Variants in PSKH1 observed in about 807,000 individuals in gnomAD.
The protein encoded by PSKH1 is serine/threonine-protein kinase H1.
A neutral mutation model predicts 26.7 loss-of-function variants in PSKH1; 12 were observed. The ratio of observed to expected loss-of-function variants is 0.45; its 90% CI spans 0.29 to 0.73. The LOEUF (loss-of-function observed/expected upper bound fraction) is 0.73, where lower values mean the gene tolerates loss of function less well. Ranked by LOEUF, PSKH1 falls within the 30% of genes least tolerant of loss-of-function variation. PSKH1 has a pLI of 0.11. For synonymous variants in PSKH1, 213 were observed against 234.3 expected (o/e 0.91, Z 0.83); for missense variants, 431 against 595.2 (o/e 0.72, Z 2.87).
intron 1 of PSKH1, among the ~76,000 whole-genome samples, chr16:67,896,861 A>C (rs1451007840): frequency 6.6e-6 from 1 of 152,162 alleles, no homozygotes; most frequent in Non-Finnish European, 1.5e-5. Context: ...TGCATCTGAC[A>C]CTGAGCTCCA....
chr16:67,915,605 T>G (rs1224224344), intron 2 of PSKH1, among the ~76,000 whole-genome samples: 1 of 152,092 alleles, frequency 6.6e-6, no homozygotes, highest in East Asian at 1.9e-4. Flanking sequence ...CCTCTGCCAC[T>G]CCCTGGCAGA....
intron 1 of PSKH1, among the ~76,000 whole-genome samples, chr16:67,900,079 A>G (rs2058137521): frequency 6.6e-6 from 1 of 151,982 alleles, no homozygotes; most frequent in South Asian, 2.1e-4. Context: ...CTCCTGCCTC[A>G]GCTTCTGAGT....
chr16:67,897,385 G>A (rs1684042866), intron 1 of PSKH1, among the ~76,000 whole-genome samples: 1 of 152,152 alleles, frequency 6.6e-6, no homozygotes, highest in Admixed American at 6.5e-5. Flanking sequence ...GCCCTCTGTT[G>A]CCATGGTGTC....
At chr16:67,914,012 A>G (rs544605945) in intron 2 of PSKH1, among the ~76,000 whole-genome samples, 1 of 152,340 alleles carries the variant, frequency 6.6e-6, no homozygotes, top group East Asian at 1.9e-4. Flanking sequence ...AGAAAGCAGG[A>G]GGCAGGCCTG....
chr16:67,904,131 T>A (rs1053759623), intron 1 of PSKH1, among the ~76,000 whole-genome samples: 19 of 151,580 alleles, frequency 1.3e-4, no homozygotes, highest in Non-Finnish European at 2.9e-5. Context: ...TTCTCCTGCC[T>A]CAGCCTCCAG....
chr16:67,927,191 AG>A lies in PSKH1; in HGVS notation c.958-132del. ...CAGCCTGAGCCAGCGTTGGGCGGGG[AG>A]GCCCCAAGTGCTACATGAGAGGAGG... On this transcript the variant is annotated intron_variant, in intron 2 of 2. Transcript: ENST00000291041. This position sits in a 1 kb window ranked among gnomAD's most constrained non-coding sequence, Gnocchi z 5.5. 1.2e-6 allele frequency: 1 copy of A among 868,990 alleles called. No individual in the cohort carries two copies. The highest frequency in any genetic ancestry group is 1.7e-5 in the South Asian group (1 of 59,332). The allele number at this position is 868,990 out of a possible 1,614,324, so 53.8% of individuals were successfully genotyped here. A position where few individuals can be genotyped will look rare whatever the true frequency, so the allele number is the denominator to read the frequency against.
intron 1 of PSKH1, among the ~76,000 whole-genome samples, chr16:67,895,282 G>A (rs2058123125): frequency 2.0e-5 from 3 of 151,636 alleles, no homozygotes; most frequent in Non-Finnish European, 4.4e-5. Flanking sequence ...CGAGGCTGGT[G>A]TCGAACTCCT....
intron 1 of PSKH1, among the ~76,000 whole-genome samples, chr16:67,898,159 T>C (rs980253864): frequency 1.3e-5 from 2 of 152,166 alleles, no homozygotes; most frequent in Non-Finnish European, 2.9e-5. Flanking sequence ...CACACCCAGC[T>C]AATTTTTTAA....
At chr16:67,915,428 G>A (rs994362539) in intron 2 of PSKH1, among the ~76,000 whole-genome samples, 11 of 152,084 alleles carry the variant, frequency 7.2e-5, no homozygotes, top group South Asian at 2.1e-4. Flanking sequence ...GGAGGGATCC[G>A]TCTGGGACAT....
chr16:67,919,225 G>T (rs1168301943), intron 2 of PSKH1, among the ~76,000 whole-genome samples: 1 of 152,162 alleles, frequency 6.6e-6, no homozygotes, highest in Non-Finnish European at 1.5e-5. Context: ...GATTCTCCTG[G>T]ATGCTTTAAT....
intron 1 of PSKH1, among the ~76,000 whole-genome samples, chr16:67,904,052 G>T (rs957271249): frequency 1.4e-5 from 2 of 139,472 alleles, no homozygotes; most frequent in Non-Finnish European, 1.5e-5. Flanking sequence ...GTCTTGCTCT[G>T]TTGCCCAGGC....
At chr16:67,904,459 C>T (rs1309032806) in intron 1 of PSKH1, among the ~76,000 whole-genome samples, 1 of 152,086 alleles carries the variant, frequency 6.6e-6, no homozygotes, top group Non-Finnish European at 1.5e-5. Flanking sequence ...CCACCTCGGC[C>T]TCCCATAGTG....
chr16:67,897,169 C>A (rs1281510715), intron 1 of PSKH1, among the ~76,000 whole-genome samples: 1 of 152,142 alleles, frequency 6.6e-6, no homozygotes, highest in Non-Finnish European at 1.5e-5. Context: ...ACAATAGTAT[C>A]ATTCTATCAT....
rs555492519 is a variant in PSKH1, at chr16:67,899,331, A to ATTTT, written c.-71+5979_-71+5982dup. Among the ~76,000 whole-genome samples the ATTTT allele has an allele frequency of 6.3e-4, 81 of 128,260 alleles. 1 individual carries two copies. The highest frequency in any genetic ancestry group is 2.0e-3 in the South Asian group (8 of 4,094). The allele number at this position is 128,260 out of a possible 152,430, so 84.1% of individuals were successfully genotyped here. On this transcript the variant is annotated intron_variant, in intron 1 of 2. Coordinates refer to ENST00000291041, the MANE Select transcript of PSKH1 (RefSeq NM_006742.3). ...AATAGAAATCCAAGAGCCAGACCAC[A>ATTTT]TTTTTTTTTTTTTTTTTTTTTTGGA...
intron 1 of PSKH1, among the ~76,000 whole-genome samples, chr16:67,901,245 A>G (rs185222414): frequency 2.6e-4 from 40 of 152,278 alleles, no homozygotes; most frequent in Admixed American, 1.3e-4. Context: ...ATTGGAATCA[A>G]TGTGAGAGAA....
chr16:67,895,942 C>T (rs1448374556), intron 1 of PSKH1, among the ~76,000 whole-genome samples: 3 of 152,048 alleles, frequency 2.0e-5, no homozygotes, highest in South Asian at 2.1e-4. Flanking sequence ...TTTCCTTATT[C>T]CAAAATAGGA....
chr16:67,923,875 T>G (rs184393899), intron 2 of PSKH1, among the ~76,000 whole-genome samples: 58 of 152,334 alleles, frequency 3.8e-4, no homozygotes, highest in African/African-American at 1.2e-3. Flanking sequence ...CACACATACT[T>G]ACGTGGCTCC....
chr16:67,906,272 A>G (rs567036018), intron 1 of PSKH1, among the ~76,000 whole-genome samples: 2 of 151,794 alleles, frequency 1.3e-5, no homozygotes, highest in East Asian at 1.9e-4. Context: ...GGGTTTCACC[A>G]TGTTGGCCTG....
chr16:67,921,382 T>A (rs755036098), intron 2 of PSKH1, among the ~76,000 whole-genome samples: 1 of 151,900 alleles, frequency 6.6e-6, no homozygotes, highest in Non-Finnish European at 1.5e-5. Context: ...AAGACTATCC[T>A]GGCTAACACG....
Sources: gnomAD v4.1 joint callset for allele counts (sites outside exome capture counted in the v4.1 genomes callset) on GRCh38, gnomAD v4.1.1 for gene constraint, Gnocchi (gnomAD v3.1) non-coding constraint, MANE v1.5 for transcripts, NCBI Gene and HGNC (gene_info 2026-07-23, HGNC 2026-07-21) for gene names.